P2RY12: variants seen among roughly 807,000 people sequenced by gnomAD.
P2RY12 encodes the protein purinergic receptor P2Y12.
P2RY12 carries 3 observed loss-of-function variants against 4.5 expected under a neutral mutation model. The ratio of observed to expected loss-of-function variants is 0.67; its 90% CI spans 0.31 to 1.74. P2RY12 has a LOEUF of 1.74. Ranked by LOEUF, P2RY12 falls within the 40% of genes most tolerant of loss-of-function variation. The pLI is 0.09. For synonymous variants in P2RY12, 148 were observed against 154.1 expected (o/e 0.96, Z 0.29); for missense variants, 356 against 407.8 (o/e 0.87, Z 1.09).
At position 151,373,664 on chromosome 3, in the gene P2RY12, T is replaced by TA. The variant is rs1184163857; in HGVS notation, c.-180+11027_-180+11028insT. The stretch of plus-strand genomic sequence containing the variant: ...CTCCCCTGTTTATTTATTATCCATA[T>TA]GGGTTATAATATACTGTACTTAGTT... On this transcript the variant is annotated intron_variant, in intron 1 of 2. Transcript: ENST00000302632. Among the ~76,000 whole-genome samples, 60 of 152,264 alleles carry TA rather than the reference T, an allele frequency of 3.9e-4. No individual in the cohort carries two copies. In the East Asian group the frequency reaches 9.8e-3, roughly 25 times the overall value.
At chr3:151,371,224 C>T (rs551735062) in intron 1 of P2RY12, among the ~76,000 whole-genome samples, 10 of 152,264 alleles carry the variant, frequency 6.6e-5, no homozygotes, top group East Asian at 5.8e-4. Context: ...ACTCTCAATT[C>T]CTATCCACCA....
chr3:151,348,719 G>GC (rs1199074106), intron 1 of P2RY12, among the ~76,000 whole-genome samples: 1 of 152,126 alleles, frequency 6.6e-6, no homozygotes, highest in Admixed American at 6.5e-5. Flanking sequence ...GGAAGCAGTG[G>GC]CAAGTGTGTC....
intron 1 of P2RY12, among the ~76,000 whole-genome samples, chr3:151,342,042 G>A (rs1187053716): frequency 1.3e-5 from 2 of 152,266 alleles, no homozygotes; most frequent in African/African-American, 2.4e-5. Flanking sequence ...AAACATACGT[G>A]TGCATGTGTC....
rs553322342 is a variant in P2RY12 at position 151,351,929 on chromosome 3, C to G, written c.-179-11169G>C. Among the ~76,000 whole-genome samples the G allele has an allele frequency of 3.3e-5, 5 of 152,284 alleles. No individual in the cohort carries two copies. The East Asian group carries it at 5.8e-4, about 18-fold the overall frequency. On this transcript the variant is annotated intron_variant, in intron 1 of 2. Coordinates refer to ENST00000302632, the MANE Select transcript of P2RY12 (RefSeq NM_022788.5). The stretch of plus-strand genomic sequence containing the variant: ...TAGGCAATTCTAGCATATGAACTCA[C>G]AAAGCGAAAAACATTGTTGTTCTGT...
intron 1 of P2RY12, among the ~76,000 whole-genome samples, chr3:151,348,825 G>A (rs1023830040): frequency 6.6e-6 from 1 of 152,172 alleles, no homozygotes; most frequent in Non-Finnish European, 1.5e-5. Context: ...GAAGCAATAT[G>A]CTACTTTGTG....
chr3:151,376,292 T>A (rs1756844377), intron 1 of P2RY12: 1 of 1,151,410 alleles, frequency 8.7e-7, no homozygotes, highest in African/African-American at 1.6e-5. Context: ...CCTCTCTTTT[T>A]TTGTCCTTGC....
intron 1 of P2RY12, chr3:151,372,868 TC>T: frequency 1.3e-6 from 1 of 792,556 alleles, no homozygotes; most frequent in Non-Finnish European, 2.0e-6. Context: ...GGCCTTTTTT[TC>T]TTGCTCACTT....
intron 1 of P2RY12, among the ~76,000 whole-genome samples, chr3:151,348,745 C>T (rs1283652827): frequency 6.6e-6 from 1 of 152,124 alleles, no homozygotes; most frequent in Non-Finnish European, 1.5e-5. Context: ...GAAAGACAGA[C>T]CGACACAAAG....
At chr3:151,368,119 A>G in intron 1 of P2RY12, 2 of 1,574,048 alleles carry the variant, frequency 1.3e-6, no homozygotes, top group Non-Finnish European at 1.7e-6. Context: ...AGTGTGTTAG[A>G]AAACTTGCTT....
chr3:151,362,244 T>C (rs1240563786), intron 1 of P2RY12, among the ~76,000 whole-genome samples: 3 of 152,018 alleles, frequency 2.0e-5, no homozygotes, highest in Non-Finnish European at 4.4e-5. Flanking sequence ...AAGTGATCCT[T>C]TTAATATACG....
At position 151,341,870 on chromosome 3, in the gene P2RY12, T is replaced by G. The variant is rs538228870; in HGVS notation, c.-179-1110A>C. On this transcript the variant is annotated intron_variant, in intron 1 of 2. Coordinates refer to ENST00000302632, the MANE Select transcript of P2RY12 (RefSeq NM_022788.5). ...GCGATAGTTTACTGAGAATGATGAT[T>G]TCTAATTTCATCCATGTCCCTACAA... Among the ~76,000 whole-genome samples, 39 of 152,268 alleles carry G rather than the reference T, an allele frequency of 2.6e-4. No individual in the cohort carries two copies. The South Asian group carries it at 7.9e-3, about 31-fold the overall frequency.
At chr3:151,350,136 G>C in intron 1 of P2RY12, 3 of 1,613,214 alleles carry the variant, frequency 1.9e-6, no homozygotes, top group Non-Finnish European at 2.5e-6. Context: ...ATGAAGCAAG[G>C]CATCAGCTGA....
intron 1 of P2RY12, chr3:151,355,092 A>T (rs760457208): frequency 6.5e-7 from 1 of 1,545,462 alleles, no homozygotes; most frequent in South Asian, 1.1e-5. Context: ...TTAAATGGAA[A>T]ATAATGGATC....
chr3:151,339,603 C>G (rs1458657123), intron 2 of P2RY12, among the ~76,000 whole-genome samples: 1 of 151,568 alleles, frequency 6.6e-6, no homozygotes, highest in Non-Finnish European at 1.5e-5. Context: ...TTGCTGCATA[C>G]ATTTTCTTGA....
At chr3:151,364,610 T>C (rs1474199948) in intron 1 of P2RY12, among the ~76,000 whole-genome samples, 1 of 152,216 alleles carries the variant, frequency 6.6e-6, no homozygotes, top group Non-Finnish European at 1.5e-5. Context: ...GAATCTTTTT[T>C]TATTTTTAAG....
chr3:151,365,580 C>T (rs780792783), intron 1 of P2RY12, among the ~76,000 whole-genome samples: 5 of 152,130 alleles, frequency 3.3e-5, no homozygotes, highest in Non-Finnish European at 5.9e-5. Flanking sequence ...TAAATCGTAG[C>T]TCAGATTTAT....
chr3:151,337,805 T>G lies in P2RY12; in HGVS notation c.*12A>C, dbSNP rs755811028. ...ACACAAAGAGATTGAAATATTTCCT[T>G]AGTTAATTTGTTTACATTGGAGTCT... On this transcript the variant is annotated 3_prime_UTR_variant, in exon 3 of 3. Coordinates refer to ENST00000302632, the MANE Select transcript of P2RY12 (RefSeq NM_022788.5). The G allele has an allele frequency of 1.2e-6, 2 of 1,612,034 alleles. No individual in the cohort carries two copies. Among genetic ancestry groups the G allele is most frequent in the South Asian group, 2.2e-5 (2 of 91,030 alleles).
At chr3:151,372,734 G>A in intron 1 of P2RY12, 1 of 1,613,708 alleles carries the variant, frequency 6.2e-7, no homozygotes, top group Non-Finnish European at 8.5e-7. Flanking sequence ...AAGAGAATAC[G>A]CTAGATATGT....
At chr3:151,378,383 A>G (rs1033821875) in intron 1 of P2RY12, among the ~76,000 whole-genome samples, 5 of 152,204 alleles carry the variant, frequency 3.3e-5, no homozygotes, top group African/African-American at 1.2e-4. Flanking sequence ...TTCTGCCTTT[A>G]TATCCAAATC....
Sources: allele counts gnomAD v4.1 joint callset (sites outside exome capture counted in the v4.1 genomes callset), GRCh38; gene constraint gnomAD v4.1.1; transcripts MANE v1.5; gene names NCBI Gene and HGNC (gene_info 2026-07-23, HGNC 2026-07-21).